Variants in ATRNL1 observed in about 807,000 individuals in gnomAD.
The protein encoded by ATRNL1 is attractin-like protein 1.
ATRNL1 carries 95 observed loss-of-function variants against 182.7 expected under a neutral mutation model. The observed-to-expected ratio is 0.52, with a 90% CI of 0.44 to 0.62. The LOEUF is 0.62. Among genes scored for constraint, ATRNL1 ranks in the 20% least tolerant of loss-of-function variants. ATRNL1 has a pLI of 0.00. For missense variants in ATRNL1, 1,471 were observed against 1,679.5 expected (o/e 0.88, Z 2.17); for synonymous variants, 576 against 568.3 (o/e 1.01, Z -0.19).
At chr10:115,719,506 C>A (rs1555057209) in intron 26 of ATRNL1, among the ~76,000 whole-genome samples, 1 of 152,106 alleles carries the variant, frequency 6.6e-6, no homozygotes, top group African/African-American at 2.4e-5. Context: ...TTGACAAAAA[C>A]CAGGGATTGT....
At position 115,286,013 on chromosome 10, in the gene ATRNL1, T is replaced by C. The variant is rs548951707; in HGVS notation, c.2234-203T>C. Among the ~76,000 whole-genome samples the C allele has an allele frequency of 6.6e-5, 10 of 152,168 alleles. No homozygotes were observed. In the South Asian group the frequency reaches 2.1e-3, roughly 32 times the overall value. On this transcript the variant is annotated intron_variant, in intron 14 of 28. Transcript: ENST00000355044. Reference sequence around the variant, plus strand: ...TGTCATAGAGCCATAATTTATCTCATGTTTAAGATTTAAAGAAAAAGTTGG... The same window carrying C: ...TGTCATAGAGCCATAATTTATCTCACGTTTAAGATTTAAAGAAAAAGTTGG...
chr10:115,738,905 G>A (rs12360291), intron 27 of ATRNL1, among the ~76,000 whole-genome samples: 29,290 of 151,850 alleles, frequency 0.19, 3,326 homozygotes, highest in South Asian at 0.29. Flanking sequence ...TCCTAATAAA[G>A]TAAATTACTG....
intron 27 of ATRNL1, among the ~76,000 whole-genome samples, chr10:115,773,187 T>C (rs1555076899): frequency 6.6e-6 from 1 of 152,152 alleles, no homozygotes; most frequent in Non-Finnish European, 1.5e-5. Flanking sequence ...GAAGTGCACA[T>C]TGTATATAAA....
chr10:115,432,706 A>C (rs1846227805), intron 21 of ATRNL1, among the ~76,000 whole-genome samples: 1 of 152,118 alleles, frequency 6.6e-6, no homozygotes, highest in African/African-American at 2.4e-5. Context: ...AGGAGGGAAA[A>C]CGTTCAAACA....
At chr10:115,650,570 G>A (rs1446103325) in intron 26 of ATRNL1, among the ~76,000 whole-genome samples, 1 of 151,722 alleles carries the variant, frequency 6.6e-6, no homozygotes, top group Non-Finnish European at 1.5e-5. Flanking sequence ...CATGCACACA[G>A]ATACGTTTGA....
intron 20 of ATRNL1, among the ~76,000 whole-genome samples, chr10:115,408,160 C>T (rs953846645): frequency 9.9e-5 from 15 of 151,080 alleles, no homozygotes; most frequent in African/African-American, 1.9e-4. Flanking sequence ...CCCGCCACCG[C>T]GCCCGGCTAA....
chr10:115,726,422 T>C (rs550256769), intron 26 of ATRNL1, among the ~76,000 whole-genome samples: 1 of 152,340 alleles, frequency 6.6e-6, no homozygotes, highest in Non-Finnish European at 1.5e-5. Context: ...CTGTATAGAA[T>C]GAGAAGGGCA....
Position 115,553,945 on chromosome 10 carries a change from T to C in ATRNL1, c.3795+4409T>C, listed in dbSNP as rs552462502. 7.3e-5 allele frequency among the ~76,000 whole-genome samples: 11 copies of C among 151,590 alleles called. No individual in the cohort carries two copies. In the South Asian group the frequency reaches 2.3e-3, roughly 31 times the overall value. ...TACTCTTTTCTCCTTAGACACTAAA[T>C]ATATTTACAGAAAGAAGATTCGGCA... On this transcript the variant is annotated intron_variant, in intron 26 of 28. Coordinates refer to ENST00000355044, the MANE Select transcript of ATRNL1 (RefSeq NM_207303.4).
At chr10:115,439,765 G>A (rs1234315898) in intron 21 of ATRNL1, among the ~76,000 whole-genome samples, 1 of 151,950 alleles carries the variant, frequency 6.6e-6, no homozygotes, top group Non-Finnish European at 1.5e-5. Context: ...GACTACAGTA[G>A]TAGGAGATGT....
intron 10 of ATRNL1, among the ~76,000 whole-genome samples, chr10:115,251,306 A>G (rs1156357125): frequency 6.6e-6 from 1 of 152,194 alleles, no homozygotes; most frequent in Non-Finnish European, 1.5e-5. Context: ...TGTATTATCC[A>G]GGGGATAAAA....
intron 28 of ATRNL1, among the ~76,000 whole-genome samples, chr10:115,897,471 A>C (rs1186749180): frequency 6.6e-6 from 1 of 152,228 alleles, no homozygotes; most frequent in Non-Finnish European, 1.5e-5. Context: ...GAAATATTTT[A>C]AATGTTAATC....
At chr10:115,181,925 G>T (rs1847762749) in intron 8 of ATRNL1, among the ~76,000 whole-genome samples, 1 of 151,546 alleles carries the variant, frequency 6.6e-6, no homozygotes, top group Non-Finnish European at 1.5e-5. Flanking sequence ...ATAAGAAGAT[G>T]AATGCAAAGA....
intron 15 of ATRNL1, among the ~76,000 whole-genome samples, chr10:115,287,924 G>GTTTTT (rs11298663): frequency 7.7e-5 from 7 of 91,018 alleles, no homozygotes; most frequent in Non-Finnish European, 1.1e-4. Flanking sequence ...AAGATCAACT[G>GTTTTT]TTTTTTTTTT....
At chr10:115,147,561 A>AT (rs1323629181) in intron 5 of ATRNL1, among the ~76,000 whole-genome samples, 1 of 151,766 alleles carries the variant, frequency 6.6e-6, no homozygotes, top group Non-Finnish European at 1.5e-5. Flanking sequence ...GTCTCAAAGC[A>AT]TTTTGCCTAT....
At chr10:115,263,133 G>A (rs557542606) in intron 10 of ATRNL1, among the ~76,000 whole-genome samples, 1 of 151,926 alleles carries the variant, frequency 6.6e-6, no homozygotes, top group African/African-American at 2.4e-5. Flanking sequence ...GTCATAACAT[G>A]GAAAACTCTA....
At chr10:115,730,437 T>A (rs1311815158) in intron 27 of ATRNL1, among the ~76,000 whole-genome samples, 1 of 152,124 alleles carries the variant, frequency 6.6e-6, no homozygotes, top group Admixed American at 6.5e-5. Flanking sequence ...TCAAGTCTGA[T>A]GTCAATTTGA....
intron 28 of ATRNL1, among the ~76,000 whole-genome samples, chr10:115,944,436 C>T (rs753640959): frequency 6.6e-6 from 1 of 152,064 alleles, no homozygotes; most frequent in East Asian, 1.9e-4. Flanking sequence ...AAGTCAGAGT[C>T]AGTTAACTTT....
chr10:115,733,406 G>A (rs1178012779), intron 27 of ATRNL1, among the ~76,000 whole-genome samples: 7 of 152,098 alleles, frequency 4.6e-5, no homozygotes, highest in Admixed American at 6.6e-5. Flanking sequence ...AATTAATTTC[G>A]AATCTACTTT....
chr10:115,871,469 T>TATATATATATATATATA lies in ATRNL1; in HGVS notation c.4018+23478_4018+23479insATATATATATATATATA, dbSNP rs1951579875. ...TCCTAGAAAGGCCTGGTCAGATTCTTTGTGTGTGTGTATATATATATATAT... is the reference window on the plus strand; with the variant it reads ...TCCTAGAAAGGCCTGGTCAGATTCTTATATATATATATATATATGTGTGTGTGTATATATATATATAT... On this transcript the variant is annotated intron_variant, in intron 28 of 28. Coordinates refer to ENST00000355044, the MANE Select transcript of ATRNL1 (RefSeq NM_207303.4). Among the ~76,000 whole-genome samples, 19 of 140,318 alleles carry TATATATATATATATATA rather than the reference T, an allele frequency of 1.4e-4. 1 individual carries two copies. The highest frequency in any genetic ancestry group is 4.5e-4 in the African/African-American group (17 of 37,854). 92.1% of individuals were successfully genotyped at this position (140,318 alleles called of 152,430 possible).
Sources: gnomAD v4.1 joint callset for allele counts (sites outside exome capture counted in the v4.1 genomes callset) on GRCh38, gnomAD v4.1.1 for gene constraint, MANE v1.5 for transcripts, NCBI Gene and HGNC (gene_info 2026-07-23, HGNC 2026-07-21) for gene names.